Variants in PDIA3 observed in about 807,000 individuals in gnomAD.
PDIA3 encodes the protein protein disulfide-isomerase A3.
PDIA3 carries 16 observed loss-of-function variants against 56.9 expected under a neutral mutation model. That is an observed-to-expected ratio of 0.28 (90% CI 0.19 to 0.43). The LOEUF is 0.43. Among genes scored for constraint, PDIA3 ranks in the 20% least tolerant of loss-of-function variants. The pLI, the probability that PDIA3 is intolerant of heterozygous loss-of-function variation, is 1.00. For synonymous variants in PDIA3, 192 were observed against 216.5 expected (o/e 0.89, Z 0.99); for missense variants, 485 against 621.3 (o/e 0.78, Z 2.33).
At position 43,766,784 on chromosome 15, in the gene PDIA3, T is replaced by C; in HGVS notation, c.902T>C (p.Val301Ala). Residue 301 changes from valine (V) to alanine (A), a missense_variant, in exon 8 of 13, where the codon GTA becomes GCA. By Grantham distance (64) the Val-to-Ala change is moderately conservative (BLOSUM62 0). Transcript: ENST00000300289. The part of the protein sequence containing the change: ...LDAGHKLNFA[V>A]ASRKTFSHEL... ...GCTGGGCACAAACTCAACTTTGCTGTAGCTAGCCGCAAAACCTTTAGCCAT... is the reference window on the plus strand; with the variant it reads ...GCTGGGCACAAACTCAACTTTGCTGCAGCTAGCCGCAAAACCTTTAGCCAT... The C allele has an allele frequency of 1.9e-6, 3 of 1,613,604 alleles. No individual in the cohort carries two copies. The highest frequency in any genetic ancestry group is 2.5e-6 in the Non-Finnish European group (3 of 1,179,494).
At chr15:43,761,207 A>C (rs1043272819) in intron 3 of PDIA3, among the ~76,000 whole-genome samples, 11 of 145,718 alleles carry the variant, frequency 7.5e-5, no homozygotes, top group African/African-American at 2.8e-4. Flanking sequence ...GTGCCACTGC[A>C]CTCCAGCCTG....
In PDIA3 at chr15:43,772,834, C is replaced by G. The variant is rs539034243; in HGVS notation, c.*1616C>G. Reference sequence around the variant, plus strand: ...TTATCCTGAAGATGATGTCATTTCTCAGGACTTGAAAATGACTTGGCTGAA... The same window carrying G: ...TTATCCTGAAGATGATGTCATTTCTGAGGACTTGAAAATGACTTGGCTGAA... On this transcript the variant is annotated 3_prime_UTR_variant, in exon 13 of 13. Coordinates refer to ENST00000300289, the MANE Select transcript of PDIA3 (RefSeq NM_005313.5). 7.0e-6 allele frequency: 2 copies of G among 284,884 alleles called. No homozygotes were observed. Among genetic ancestry groups the G allele is most frequent in the African/African-American group, 4.3e-5 (2 of 46,078 alleles). 17.6% of individuals were successfully genotyped at this position (284,884 alleles called of 1,614,324 possible).
chr15:43,761,841 C>G (rs1157436898), intron 4 of PDIA3, among the ~76,000 whole-genome samples: 1 of 152,014 alleles, frequency 6.6e-6, no homozygotes, highest in Non-Finnish European at 1.5e-5. Context: ...AAATAAAGGA[C>G]TAGGATAGGA....
chr15:43,752,779 C>T (rs1258956840), intron 1 of PDIA3: 2 of 471,006 alleles, frequency 4.2e-6, no homozygotes, highest in Admixed American at 4.7e-5. Context: ...TATTATATTT[C>T]TATTTTTGCT....
intron 3 of PDIA3, among the ~76,000 whole-genome samples, chr15:43,757,686 C>T (rs1450789419): frequency 6.6e-6 from 1 of 151,920 alleles, no homozygotes; most frequent in Non-Finnish European, 1.5e-5. Flanking sequence ...TGGTGAAACC[C>T]CATTTCTGCT....
chr15:43,756,982 C>G (rs1403470981), intron 3 of PDIA3, among the ~76,000 whole-genome samples: 1 of 152,132 alleles, frequency 6.6e-6, no homozygotes, highest in Non-Finnish European at 1.5e-5. Flanking sequence ...GTCAGCTCGA[C>G]ATTTTTTCAT....
At position 43,758,205 on chromosome 15, in the gene PDIA3, C is replaced by G. The variant is rs147920246; in HGVS notation, c.364+1439C>G. ...TGAGCCAAGATCATGCCATTGTACT[C>G]CAGCCTGGGCAACAAGAAGGAAACT... On this transcript the variant is annotated intron_variant, in intron 3 of 12. Coordinates refer to ENST00000300289, the MANE Select transcript of PDIA3 (RefSeq NM_005313.5). Among the ~76,000 whole-genome samples the G allele has an allele frequency of 6.9e-3, 1,049 of 152,092 alleles. 17 individuals carry two copies. The highest frequency in any genetic ancestry group is 0.047 in the East Asian group (242 of 5,154).
intron 12 of PDIA3, 85 bp from the exon 13 acceptor site, chr15:43,771,020 C>T: frequency 1.2e-6 from 1 of 844,408 alleles, no homozygotes; most frequent in Non-Finnish European, 1.9e-6. Context: ...TATGCTTTTA[C>T]AAACTCAGAA....
In PDIA3 at chr15:43,768,523, G is replaced by T; in HGVS notation, c.1063G>T (p.Asp355Tyr). The T allele has an allele frequency of 5.0e-6, 8 of 1,613,934 alleles. No homozygotes were observed. The highest frequency in any genetic ancestry group is 1.3e-5 in the African/African-American group (1 of 75,014). ...DGKALERFLQDYFDGNLKRYL... is the reference protein window; with the variant it reads ...DGKALERFLQYYFDGNLKRYL... ...GAAGGCTCTGGAGAGGTTCCTGCAG[G>T]ATTACTTTGATGGCAATCTGAAGAG... Residue 355 changes from aspartate to tyrosine, a missense_variant, in exon 9 of 13, where the codon GAT becomes TAT. Asp to Tyr is a radical substitution (Grantham distance 160, BLOSUM62 -3). Transcript: ENST00000300289.
chr15:43,748,748 A>AT (rs935150505), intron 1 of PDIA3, among the ~76,000 whole-genome samples: 7 of 147,744 alleles, frequency 4.7e-5, no homozygotes, highest in Admixed American at 4.0e-4. Flanking sequence ...ATTCCACTAC[A>AT]TTTTTTTTGT....
At chr15:43,767,910 T>C (rs1010902179) in intron 8 of PDIA3, among the ~76,000 whole-genome samples, 1 of 151,640 alleles carries the variant, frequency 6.6e-6, no homozygotes, top group Non-Finnish European at 1.5e-5. Flanking sequence ...AGCCCATGAG[T>C]TTGAGGCCAG....
chr15:43,767,756 C>T (rs983757958), intron 8 of PDIA3, among the ~76,000 whole-genome samples: 8 of 111,818 alleles, frequency 7.2e-5, no homozygotes, highest in Admixed American at 5.9e-4. Context: ...GGTGACAGAG[C>T]AAGACTCTGT....
At chr15:43,752,692 C>CAATATTTCCAAGTT in intron 1 of PDIA3, 3 of 449,930 alleles carry the variant, frequency 6.7e-6, no homozygotes, top group South Asian at 4.8e-5. Flanking sequence ...TTTAGGTGTA[C>CAATATTTCCAAGTT]AATATTTCCA....
chr15:43,770,434 G>T, intron 11 of PDIA3, 89 bp from the exon 12 acceptor site: 1 of 1,350,312 alleles, frequency 7.4e-7, no homozygotes, highest in Non-Finnish European at 1.1e-6. Context: ...TTCAGTTGAA[G>T]GCAGAACCAC....
chr15:43,764,559 C>G (rs963296497), intron 5 of PDIA3, among the ~76,000 whole-genome samples: 2 of 152,106 alleles, frequency 1.3e-5, no homozygotes, highest in Non-Finnish European at 2.9e-5. Flanking sequence ...CCTCCGCCTC[C>G]TGGGTTCAAG....
rs570207249 is a variant in PDIA3, at chr15:43,771,276, T to C, written c.*58T>C. The C allele has an allele frequency of 2.7e-4, 296 of 1,111,406 alleles. No homozygotes were observed. The highest frequency in any genetic ancestry group is 3.1e-4 in the Admixed American group (17 of 54,138). 68.8% of individuals were successfully genotyped at this position (1,111,406 alleles called of 1,614,324 possible). A position where few individuals can be genotyped will look rare whatever the true frequency, so the allele number is the denominator to read the frequency against. On this transcript the variant is annotated 3_prime_UTR_variant, in exon 13 of 13. Coordinates refer to ENST00000300289, the MANE Select transcript of PDIA3 (RefSeq NM_005313.5). The stretch of plus-strand genomic sequence containing the variant: ...TCTTCCATCAGAGATGGGAAAACCA[T>C]TGGGGAGGACTAGGACCCATATGGG...
intron 1 of PDIA3, among the ~76,000 whole-genome samples, chr15:43,749,631 A>G (rs965518975): frequency 2.6e-5 from 4 of 152,114 alleles, no homozygotes; most frequent in African/African-American, 4.8e-5. Context: ...CATCTCTACT[A>G]AAAATACAAA....
Position 43,758,036 on chromosome 15 carries a change from C to T in PDIA3, c.364+1270C>T, listed in dbSNP as rs918751651. ...GGCGGATCACCTGAGGTCGGGAGTT[C>T]GAGACCAGCCTGACCAACATGGGGA... On this transcript the variant is annotated intron_variant, in intron 3 of 12. Coordinates refer to ENST00000300289, the MANE Select transcript of PDIA3 (RefSeq NM_005313.5). 3.3e-5 allele frequency among the ~76,000 whole-genome samples: 5 copies of T among 150,994 alleles called. No homozygotes were observed. In the East Asian group the frequency reaches 7.9e-4, roughly 24 times the overall value.
At chr15:43,752,719 A>G (rs1461163623) in intron 1 of PDIA3, 3 of 461,814 alleles carry the variant, frequency 6.5e-6, no homozygotes, top group East Asian at 7.0e-5. Context: ...CCATCACTTG[A>G]TAAAATTACA....
Sources: allele counts gnomAD v4.1 joint callset (sites outside exome capture counted in the v4.1 genomes callset), GRCh38; gene constraint gnomAD v4.1.1; transcripts MANE v1.5; gene names NCBI Gene and HGNC (gene_info 2026-07-23, HGNC 2026-07-21).